Variants in GLIS3 observed in about 807,000 individuals in gnomAD.
GLIS3 encodes the protein GLIS family zinc finger 3.
Under a neutral mutation model 78.6 loss-of-function variants are expected in GLIS3, and 53 were observed. That is an observed-to-expected ratio of 0.67 (90% CI 0.54 to 0.85). The LOEUF is 0.85. Ranked by LOEUF, GLIS3 falls within the 40% of genes least tolerant of loss-of-function variation. GLIS3 has a pLI of 0.00. For missense variants in GLIS3, 1,703 were observed against 1,231.1 expected, an observed-to-expected ratio of 1.38 and a Z score of -5.74; for synonymous variants, 684 against 509.9, an observed-to-expected ratio of 1.34 and a Z score of -4.60.
intron 4 of GLIS3, chr9:4,034,632 A>C (rs889967315): frequency 1.3e-5 from 2 of 152,212 alleles, no homozygotes; most frequent in African/African-American, 4.8e-5. Context: ...GCAGACTGCC[A>C]CATTTACAAG....
chr9:4,187,399 C>G (rs1450337468), intron 2 of GLIS3, among the ~76,000 whole-genome samples: 2 of 152,190 alleles, frequency 1.3e-5, no homozygotes, highest in Non-Finnish European at 2.9e-5. Context: ...GTTACTGTAG[C>G]CTTGTAGTAT....
intron 4 of GLIS3, among the ~76,000 whole-genome samples, chr9:4,098,982 A>G (rs1479142744): frequency 2.6e-5 from 4 of 152,180 alleles, no homozygotes; most frequent in South Asian, 2.1e-4. Flanking sequence ...GCCCTGACAC[A>G]TAACAGACCA....
At position 3,966,371 on chromosome 9, in the gene GLIS3, A is replaced by C. The variant is rs556471854; in HGVS notation, c.1711-29182T>G. 2.8e-3 allele frequency among the ~76,000 whole-genome samples: 432 copies of C among 152,316 alleles called. 2 individuals are homozygous for C. Among genetic ancestry groups the C allele is most frequent in the African/African-American group, 0.01 (424 of 41,566 alleles). ...AATATTTATTGAGCAAATTCCAAGA[A>C]TTATGACACTGTAATAAATCAAACA... On this transcript the variant is annotated intron_variant, in intron 4 of 10. Transcript: ENST00000381971.
intron 2 of GLIS3, among the ~76,000 whole-genome samples, chr9:4,281,062 T>C (rs1827500799): frequency 6.6e-6 from 1 of 152,216 alleles, no homozygotes; most frequent in Non-Finnish European, 1.5e-5. Flanking sequence ...ATAACATGTA[T>C]GTACTAACAG....
At chr9:4,281,513 A>T (rs1827549176) in intron 2 of GLIS3, among the ~76,000 whole-genome samples, 1 of 152,208 alleles carries the variant, frequency 6.6e-6, no homozygotes, top group African/African-American at 2.4e-5. Context: ...CAGGAACTTC[A>T]TACAAAAGGA....
At chr9:3,873,197 A>C (rs1056264262) in intron 8 of GLIS3, among the ~76,000 whole-genome samples, 20 of 152,186 alleles carry the variant, frequency 1.3e-4, no homozygotes, top group South Asian at 2.1e-4. Flanking sequence ...TATTCCAAAA[A>C]ATTGAAGAGG....
At chr9:4,249,065 T>C (rs1002167897) in intron 2 of GLIS3, among the ~76,000 whole-genome samples, 1 of 152,240 alleles carries the variant, frequency 6.6e-6, no homozygotes. Flanking sequence ...GGTAGCATGA[T>C]GTCTCCAGCT....
At chr9:3,908,876 C>A (rs1043882962) in intron 6 of GLIS3, among the ~76,000 whole-genome samples, 1 of 152,026 alleles carries the variant, frequency 6.6e-6, no homozygotes, top group Admixed American at 6.6e-5. Flanking sequence ...GAAAAAGGCC[C>A]AGATTCTTCA....
chr9:3,959,385 C>G (rs754073184), intron 4 of GLIS3, among the ~76,000 whole-genome samples: 7 of 152,186 alleles, frequency 4.6e-5, no homozygotes, highest in Non-Finnish European at 1.0e-4. Context: ...TTATAAGCCC[C>G]CTAGTCTGTG....
At chr9:4,239,150 A>G (rs563715733) in intron 2 of GLIS3, among the ~76,000 whole-genome samples, 10 of 121,284 alleles carry the variant, frequency 8.2e-5, no homozygotes, top group South Asian at 5.5e-4. Flanking sequence ...ATAAACATAC[A>G]TGTGCATGCA....
intron 2 of GLIS3, among the ~76,000 whole-genome samples, chr9:4,167,047 C>T (rs1289967735): frequency 1.3e-5 from 2 of 152,168 alleles, no homozygotes; most frequent in Non-Finnish European, 2.9e-5. Context: ...AACATTGACG[C>T]AAGTGGAGAA....
intron 2 of GLIS3, among the ~76,000 whole-genome samples, chr9:4,275,271 GGAGT>G (rs781527706): frequency 4.6e-5 from 7 of 152,182 alleles, no homozygotes; most frequent in Non-Finnish European, 8.8e-5. Flanking sequence ...TTCGAAAAAA[GGAGT>G]AAGTGCCCAT....
chr9:3,953,764 TCTCTCTCTC>T (rs1816859169), intron 4 of GLIS3, among the ~76,000 whole-genome samples: 12 of 49,778 alleles, frequency 2.4e-4, no homozygotes, highest in African/African-American at 7.4e-4. Context: ...AGATTTGCTC[TCTCTCTCTC>T]TCTCTCTCTC....
intron 2 of GLIS3, among the ~76,000 whole-genome samples, chr9:4,226,625 T>C (rs748794155): frequency 2.6e-5 from 4 of 152,198 alleles, no homozygotes; most frequent in Non-Finnish European, 5.9e-5. Context: ...TCTATAGCAT[T>C]GCTTCAAAGT....
the GLIS3 span, among the ~76,000 whole-genome samples, chr9:4,462,746 G>A: frequency 1.3e-5 from 2 of 152,052 alleles, no homozygotes; most frequent in East Asian, 1.9e-4. Flanking sequence ...GAAGTTTGAG[G>A]CTGCAGTGAA....
At chr9:4,051,202 G>A (rs1228244376) in intron 4 of GLIS3, among the ~76,000 whole-genome samples, 1 of 152,180 alleles carries the variant, frequency 6.6e-6, no homozygotes, top group East Asian at 1.9e-4. Context: ...TCTCACGTGT[G>A]TGTTTATGAG....
At chr9:4,322,070 G>A (rs531041436) in intron 2 of GLIS3, among the ~76,000 whole-genome samples, 19 of 151,906 alleles carry the variant, frequency 1.3e-4, no homozygotes, top group South Asian at 4.2e-4. Context: ...GATGTTCCCC[G>A]CCCTGTGTCC....
At chr9:3,891,097 AGGAG>A (rs1822408166) in intron 7 of GLIS3, among the ~76,000 whole-genome samples, 1 of 147,764 alleles carries the variant, frequency 6.8e-6, no homozygotes, top group Non-Finnish European at 1.5e-5. Context: ...AGAAGAAAGT[AGGAG>A]GAAGAGGAGG....
the GLIS3 span, among the ~76,000 whole-genome samples, chr9:4,466,825 T>A: frequency 6.6e-6 from 1 of 152,218 alleles, no homozygotes; most frequent in Non-Finnish European, 1.5e-5. Flanking sequence ...GCTGAAGCAG[T>A]GCAGGGCATC....
Sources: gnomAD v4.1 joint callset for allele counts (sites outside exome capture counted in the v4.1 genomes callset) on GRCh38, gnomAD v4.1.1 for gene constraint, MANE v1.5 for transcripts, NCBI Gene and HGNC (gene_info 2026-07-23, HGNC 2026-07-21) for gene names.